FOXP1: variants seen among roughly 807,000 people sequenced by gnomAD.
FOXP1 encodes the protein forkhead box protein P1.
Under a neutral mutation model 98.2 loss-of-function variants are expected in FOXP1, and 15 were observed. The ratio of observed to expected loss-of-function variants is 0.15; its 90% CI spans 0.10 to 0.24. FOXP1 has a LOEUF of 0.24. Ranked by LOEUF, FOXP1 falls within the 10% of genes least tolerant of loss-of-function variation. The probability of loss-of-function intolerance (pLI) is 1.00; values close to 1 mark genes in which losing one functional copy is unlikely to be tolerated. For synonymous variants in FOXP1, 371 were observed against 314.5 expected, an observed-to-expected ratio of 1.18 and a Z score of -1.90; for missense variants, 633 against 848.5, an observed-to-expected ratio of 0.75 and a Z score of 3.15.
At chr3:71,117,843 G>A (rs1417914750) in intron 6 of FOXP1, among the ~76,000 whole-genome samples, 3 of 152,122 alleles carry the variant, frequency 2.0e-5, no homozygotes, top group Admixed American at 6.5e-5. Flanking sequence ...TGCTAGGCTC[G>A]GGTTACAGTA....
chr3:71,077,324 C>A (rs2053901232), intron 7 of FOXP1, among the ~76,000 whole-genome samples: 1 of 152,162 alleles, frequency 6.6e-6, no homozygotes, highest in South Asian at 2.1e-4. Context: ...CCTAAGGCAG[C>A]CTCGCTGTAC....
chr3:71,010,744 G>A (rs1015342275), intron 12 of FOXP1, among the ~76,000 whole-genome samples: 2 of 152,092 alleles, frequency 1.3e-5, no homozygotes, highest in Non-Finnish European at 2.9e-5. Flanking sequence ...TGGGTCCACT[G>A]AAGCAAATGA....
chr3:71,582,963 C>T (rs2048307295), intron 1 of FOXP1, among the ~76,000 whole-genome samples: 1 of 152,086 alleles, frequency 6.6e-6, no homozygotes, highest in Admixed American at 6.5e-5. Context: ...ACCGAGGGGG[C>T]ACACACCCGC....
At chr3:71,468,094 G>T (rs932081383) in intron 3 of FOXP1, among the ~76,000 whole-genome samples, 1 of 151,856 alleles carries the variant, frequency 6.6e-6, no homozygotes, top group African/African-American at 2.4e-5. Context: ...CTCATTAGGT[G>T]GGATTTTTAA....
At chr3:71,456,086 T>C (rs769704008) in intron 3 of FOXP1, among the ~76,000 whole-genome samples, 2 of 152,088 alleles carry the variant, frequency 1.3e-5, no homozygotes, top group Non-Finnish European at 2.9e-5. Flanking sequence ...AAGGAGGTAA[T>C]GTCTGTGGAA....
chr3:71,222,409 GTATTTT>G lies in FOXP1; in HGVS notation c.-11-24023_-11-24018del, dbSNP rs1270203467. Among the ~76,000 whole-genome samples the G allele has an allele frequency of 7.9e-5, 12 of 151,768 alleles. No individual in the cohort carries two copies. In the South Asian group the frequency reaches 1.7e-3, roughly 21 times the overall value. On this transcript the variant is annotated intron_variant, in intron 5 of 20. Transcript: ENST00000649528. Reference sequence around the variant, plus strand: ...GATTCAAAAACCCTTCACTCCCTTGGTATTTTTATTTTTATTTTTATTTTTTTGAGA... The same window carrying G: ...GATTCAAAAACCCTTCACTCCCTTGGTATTTTTATTTTTATTTTTTTGAGA...
intron 2 of FOXP1, among the ~76,000 whole-genome samples, chr3:71,499,081 C>G (rs1444323891): frequency 2.0e-5 from 3 of 152,212 alleles, no homozygotes; most frequent in African/African-American, 7.2e-5. Flanking sequence ...CACTATCCCC[C>G]ACCCAGCTCT....
chr3:71,432,382 C>A (rs529331160), intron 3 of FOXP1, among the ~76,000 whole-genome samples: 46 of 152,338 alleles, frequency 3.0e-4, no homozygotes, highest in Admixed American at 2.4e-3. Context: ...GCCTCACCAC[C>A]CCTGAACCAG....
At chr3:71,007,007 T>C (rs1287281147) in intron 12 of FOXP1, among the ~76,000 whole-genome samples, 19 of 152,290 alleles carry the variant, frequency 1.2e-4, no homozygotes, top group Non-Finnish European at 4.4e-5. Flanking sequence ...TATATATCAC[T>C]AGAGGGCACT....
At chr3:71,203,635 A>C (rs2063804697) in intron 5 of FOXP1, among the ~76,000 whole-genome samples, 1 of 152,250 alleles carries the variant, frequency 6.6e-6, no homozygotes, top group Admixed American at 6.5e-5. Context: ...AGGCAGAAGT[A>C]AATTAACTTG....
chr3:71,060,004 T>C (rs559858543), intron 7 of FOXP1, among the ~76,000 whole-genome samples: 1 of 152,172 alleles, frequency 6.6e-6, no homozygotes, highest in African/African-American at 2.4e-5. Context: ...AAGAAAAACA[T>C]AATGTCTATC....
At chr3:71,270,877 T>G (rs1004960790) in intron 5 of FOXP1, among the ~76,000 whole-genome samples, 2 of 128,768 alleles carry the variant, frequency 1.6e-5, no homozygotes, top group African/African-American at 6.3e-5. Context: ...ATTAGGCAAG[T>G]TATATTCTCC....
chr3:71,432,056 T>C (rs1353127103), intron 3 of FOXP1, among the ~76,000 whole-genome samples: 1 of 152,154 alleles, frequency 6.6e-6, no homozygotes, highest in African/African-American at 2.4e-5. Context: ...AAAACCTATT[T>C]ATGGCAAGAA....
intron 6 of FOXP1, among the ~76,000 whole-genome samples, chr3:71,162,023 C>A (rs1453144821): frequency 6.6e-6 from 1 of 152,092 alleles, no homozygotes; most frequent in Non-Finnish European, 1.5e-5. Flanking sequence ...AGTTCTGGAC[C>A]AATTGAGGAA....
intron 14 of FOXP1, among the ~76,000 whole-genome samples, chr3:70,987,765 G>C (rs527391702): frequency 6.6e-6 from 1 of 152,312 alleles, no homozygotes; most frequent in East Asian, 1.9e-4. Context: ...CTGGGTGCTT[G>C]AGTCTTATGG....
chr3:71,044,659 C>A (rs1361615738), intron 10 of FOXP1, among the ~76,000 whole-genome samples: 1 of 152,162 alleles, frequency 6.6e-6, no homozygotes, highest in Non-Finnish European at 1.5e-5. Flanking sequence ...GTGGGCATTA[C>A]CAGTATTTTT....
intron 11 of FOXP1, among the ~76,000 whole-genome samples, chr3:71,027,924 G>A (rs1233711841): frequency 1.3e-5 from 2 of 152,182 alleles, no homozygotes; most frequent in African/African-American, 2.4e-5. Flanking sequence ...TCTCATCCTC[G>A]GAAAGAGTTC....
intron 3 of FOXP1, among the ~76,000 whole-genome samples, chr3:71,361,356 T>C (rs968361443): frequency 2.6e-5 from 4 of 152,188 alleles, no homozygotes; most frequent in Admixed American, 2.6e-4. Flanking sequence ...CCCATGAGTT[T>C]GGACTCTTAA....
chr3:71,320,359 T>C (rs2075317695), intron 4 of FOXP1, among the ~76,000 whole-genome samples: 1 of 151,822 alleles, frequency 6.6e-6, no homozygotes, highest in South Asian at 2.1e-4. Context: ...TTTTTGCGGC[T>C]CTGGAACCAC....
Sources: allele counts gnomAD v4.1 joint callset (sites outside exome capture counted in the v4.1 genomes callset), GRCh38; gene constraint gnomAD v4.1.1; transcripts MANE v1.5; gene names NCBI Gene and HGNC (gene_info 2026-07-23, HGNC 2026-07-21).